The following FAM81B variants were observed in gnomAD, a reference collection of about 807,000 sequenced individuals.
The protein encoded by FAM81B is protein FAM81B.
Under a neutral mutation model 58.7 loss-of-function variants are expected in FAM81B, and 60 were observed. The ratio of observed to expected loss-of-function variants is 1.02; its 90% CI spans 0.83 to 1.27. The LOEUF is 1.27. Among genes scored for constraint, FAM81B ranks in the 50% most tolerant of loss-of-function variants. The probability of loss-of-function intolerance (pLI) is 0.00; values close to 1 mark genes in which losing one functional copy is unlikely to be tolerated. For synonymous variants in FAM81B, 189 were observed against 179.6 expected, an observed-to-expected ratio of 1.05 and a Z score of -0.42; for missense variants, 491 against 522.0, an observed-to-expected ratio of 0.94 and a Z score of 0.58.
chr5:95,437,595 C>T (rs1745156208), intron 7 of FAM81B, among the ~76,000 whole-genome samples: 1 of 152,182 alleles, frequency 6.6e-6, no homozygotes, highest in Admixed American at 6.5e-5. Context: ...CCTCAGCCTC[C>T]CAAAGTGCTG....
intron 3 of FAM81B, among the ~76,000 whole-genome samples, chr5:95,402,404 G>C (rs898185272): frequency 1.3e-5 from 2 of 152,100 alleles, no homozygotes; most frequent in African/African-American, 4.8e-5. Context: ...TTAAGAATTA[G>C]CAATAATAAT....
intron 5 of FAM81B, among the ~76,000 whole-genome samples, chr5:95,425,312 T>C (rs1306910169): frequency 1.3e-5 from 2 of 152,108 alleles, no homozygotes; most frequent in Non-Finnish European, 2.9e-5. Context: ...TGGTTGAAGT[T>C]GCTGAACAAT....
At chr5:95,437,431 G>A (rs1334029391) in intron 7 of FAM81B, among the ~76,000 whole-genome samples, 17 of 152,210 alleles carry the variant, frequency 1.1e-4, no homozygotes, top group South Asian at 6.2e-4. Flanking sequence ...TGCAAGCTCC[G>A]TCTCCTGGGT....
rs1561301464 is a variant in FAM81B, at chr5:95,420,363, AC to A, written c.619del (p.Leu207TyrfsTer11). On this transcript the variant is annotated frameshift_variant, in exon 5 of 10. Transcript: ENST00000283357. LOFTEE classifies it high-confidence loss of function. ...GCAGTACACGAGATAAACATCAAAC[AC>A]CTACAAGGAGTTGGAGATCTTCGAG... ...NFAVHEINIK[H>X]LQGVGDLRGR... The A allele has an allele frequency of 6.2e-7, 1 of 1,613,860 alleles. No individual in the cohort carries two copies. Among genetic ancestry groups the A allele is most frequent in the East Asian group, 2.2e-5 (1 of 44,874 alleles).
At chr5:95,425,493 T>C (rs548190394) in intron 5 of FAM81B, among the ~76,000 whole-genome samples, 1 of 152,318 alleles carries the variant, frequency 6.6e-6, no homozygotes, top group East Asian at 1.9e-4. Context: ...CTAAGTTACC[T>C]TTCAATCACA....
chr5:95,449,997 T>C, intron 9 of FAM81B, 152 bp from the exon 10 acceptor site: 5 of 759,286 alleles, frequency 6.6e-6, no homozygotes, highest in Admixed American at 3.2e-5. Context: ...ACAAGAAATA[T>C]ATTATGTACA....
chr5:95,440,454 ACAGGATG>A (rs1745289987), intron 7 of FAM81B: 1 of 640,724 alleles, frequency 1.6e-6, no homozygotes, highest in African/African-American at 1.8e-5. Flanking sequence ...GGAGCACCTG[ACAGGATG>A]CAGTTGCTAA....
rs1004164386 is a variant in FAM81B, at chr5:95,397,834, G to A, written c.293+1659G>A. 9.9e-5 allele frequency among the ~76,000 whole-genome samples: 15 copies of A among 151,886 alleles called. No homozygotes were observed. The East Asian group carries it at 2.1e-3, about 22-fold the overall frequency. On this transcript the variant is annotated intron_variant, in intron 3 of 9. Coordinates refer to ENST00000283357, the MANE Select transcript of FAM81B (RefSeq NM_152548.3). ...TAATTGTCTTTTGGTCTCTCTCTTC[G>A]CATCTCTCAGAACAGGCTGCAAACT...
rs537012658 is a variant in FAM81B at position 95,446,124 on chromosome 5, A to G, written c.894-438A>G. Among the ~76,000 whole-genome samples the G allele has an allele frequency of 2.6e-5, 4 of 152,334 alleles. No individual in the cohort carries two copies. The South Asian group carries it at 8.3e-4, about 32-fold the overall frequency. Reference sequence around the variant, plus strand: ...GGTTGCAACAGAGACTATATGGCCCACAATGCCTAAAATATTTACTATCTG... The same window carrying G: ...GGTTGCAACAGAGACTATATGGCCCGCAATGCCTAAAATATTTACTATCTG... On this transcript the variant is annotated intron_variant, in intron 7 of 9. Transcript: ENST00000283357.
intron 6 of FAM81B, among the ~76,000 whole-genome samples, chr5:95,430,940 G>A (rs1031009803): frequency 2.6e-5 from 4 of 151,978 alleles, no homozygotes; most frequent in African/African-American, 9.7e-5. Context: ...TTTTTATTAT[G>A]GATGAAGTTG....
At chr5:95,447,680 A>G (rs1358233406) in intron 8 of FAM81B, among the ~76,000 whole-genome samples, 1 of 152,248 alleles carries the variant, frequency 6.6e-6, no homozygotes, top group Non-Finnish European at 1.5e-5. Context: ...CATACCTGCC[A>G]TGCCCAGTTC....
At chr5:95,434,468 C>A (rs1745023038) in intron 6 of FAM81B, among the ~76,000 whole-genome samples, 1 of 152,216 alleles carries the variant, frequency 6.6e-6, no homozygotes, top group East Asian at 1.9e-4. Context: ...GCTGGAAAAA[C>A]TTCTCTGCTT....
chr5:95,442,279 A>G (rs1315802454), intron 7 of FAM81B, among the ~76,000 whole-genome samples: 3 of 152,216 alleles, frequency 2.0e-5, no homozygotes, highest in African/African-American at 7.2e-5. Context: ...AAAGCTAAAC[A>G]CAGGAAAAGT....
Position 95,436,909 on chromosome 5 carries a change from A to G in FAM81B, c.893+3A>G, listed in dbSNP as rs1438684146. On this transcript the variant is annotated splice_donor_region_variant and intron_variant, in intron 7 of 9. Transcript: ENST00000283357. ...GAAATGAACCTTTTGGAATTCAAGT[A>G]AGTGAATAGAAGATTTTTAATTCTG... is the stretch of plus-strand genomic sequence containing the variant. 6.3e-7 allele frequency: 1 copy of G among 1,585,536 alleles called. No individual in the cohort carries two copies. Among genetic ancestry groups the G allele is most frequent in the Non-Finnish European group, 8.6e-7 (1 of 1,161,060 alleles).
chr5:95,421,651 T>C (rs1310108539), intron 5 of FAM81B, among the ~76,000 whole-genome samples: 1 of 147,336 alleles, frequency 6.8e-6, no homozygotes, highest in Non-Finnish European at 1.5e-5. Flanking sequence ...TTTTGTGACA[T>C]TCTAGTTGCA....
chr5:95,432,002 T>C lies in FAM81B; in HGVS notation c.786+3270T>C, dbSNP rs116037259. 6.2e-3 allele frequency among the ~76,000 whole-genome samples: 940 copies of C among 152,150 alleles called. 5 individuals are homozygous for C. The highest frequency in any genetic ancestry group is 9.7e-3 in the Non-Finnish European group (660 of 67,890). ...AGATAGTATGTGGGAATAGTGGACA[T>C]CCTGGTCTTCTTCCTAACTTTAACT... On this transcript the variant is annotated intron_variant, in intron 6 of 9. Coordinates refer to ENST00000283357, the MANE Select transcript of FAM81B (RefSeq NM_152548.3).
chr5:95,423,074 A>C (rs1459651214), intron 5 of FAM81B, among the ~76,000 whole-genome samples: 1 of 152,188 alleles, frequency 6.6e-6, no homozygotes, highest in Non-Finnish European at 1.5e-5. Flanking sequence ...CTAATGTACA[A>C]GCTAAGGCAG....
chr5:95,437,778 C>T (rs6556869), intron 7 of FAM81B, among the ~76,000 whole-genome samples: 39,641 of 150,912 alleles, frequency 0.26, 7,659 homozygotes, highest in African/African-American at 0.55. Flanking sequence ...CCCTTTTTTT[C>T]TTTTTTTAAA....
rs1370158714 is a variant in FAM81B at position 95,448,521 on chromosome 5, CA to C, written c.1225+58del. On this transcript the variant is annotated intron_variant, in intron 9 of 9. Coordinates refer to ENST00000283357, the MANE Select transcript of FAM81B (RefSeq NM_152548.3). ...ATCTGTCCTTTCCTGTTCAATCCCT[CA>C]GTCTTCCACTTTGAGCTAATGGCCA... 2.0e-6 allele frequency: 3 copies of C among 1,482,874 alleles called. No homozygotes were observed. In the African/African-American group the frequency reaches 4.3e-5, roughly 21 times the overall value. The allele number at this position is 1,482,874 out of a possible 1,614,324, so 91.9% of individuals were successfully genotyped here. A position where few individuals can be genotyped will look rare whatever the true frequency, so the allele number is the denominator to read the frequency against.
Sources: allele counts gnomAD v4.1 joint callset (sites outside exome capture counted in the v4.1 genomes callset), GRCh38; gene constraint gnomAD v4.1.1; transcripts MANE v1.5; gene names NCBI Gene and HGNC (gene_info 2026-07-23, HGNC 2026-07-21).